GRM7: variants seen among roughly 807,000 people sequenced by gnomAD.
GRM7 encodes glutamate metabotropic receptor 7, also known as metabotropic glutamate receptor 7.
A neutral mutation model predicts 84.5 loss-of-function variants in GRM7; 35 were observed. The observed-to-expected ratio is 0.41, with a 90% confidence interval of 0.32 to 0.55. The LOEUF (loss-of-function observed/expected upper bound fraction) is 0.55, where lower values mean the gene tolerates loss of function less well. Ranked by LOEUF, GRM7 falls within the 20% of genes least tolerant of loss-of-function variation. The pLI, the probability that GRM7 is intolerant of heterozygous loss-of-function variation, is 0.19. For missense variants in GRM7, 1,003 were observed against 1,194.6 expected, an observed-to-expected ratio of 0.84 and a Z score of 2.36; for synonymous variants, 487 against 455.1, an observed-to-expected ratio of 1.07 and a Z score of -0.89.
intron 4 of GRM7, among the ~76,000 whole-genome samples, chr3:7,379,927 C>A (rs1694516978): frequency 6.6e-6 from 1 of 152,174 alleles, no homozygotes; most frequent in African/African-American, 2.4e-5. Context: ...CCTTCATCAT[C>A]ACCCTGGGTC....
intron 4 of GRM7, among the ~76,000 whole-genome samples, chr3:7,393,444 C>A (rs760287631): frequency 1.3e-5 from 2 of 152,184 alleles, no homozygotes; most frequent in Non-Finnish European, 2.9e-5. Flanking sequence ...TTCTCTCTCA[C>A]TGTTTCCCTG....
chr3:7,663,498 T>C (rs1699553260), intron 8 of GRM7, among the ~76,000 whole-genome samples: 1 of 152,196 alleles, frequency 6.6e-6, no homozygotes, highest in Admixed American at 6.5e-5. Context: ...GGAATGCCTC[T>C]GGAGGGTGCA....
intron 1 of GRM7, among the ~76,000 whole-genome samples, chr3:7,047,607 G>C (rs1403148243): frequency 6.6e-6 from 1 of 151,990 alleles, no homozygotes; most frequent in African/African-American, 2.4e-5. Flanking sequence ...ATGGATAAGT[G>C]GTCCCTATTG....
intron 1 of GRM7, among the ~76,000 whole-genome samples, chr3:7,105,121 G>T (rs1699247768): frequency 1.3e-5 from 2 of 151,680 alleles, no homozygotes; most frequent in African/African-American, 2.4e-5. Context: ...GAAATATTCA[G>T]ATTTCAAATC....
At chr3:6,924,036 C>T (rs777839015) in intron 1 of GRM7, among the ~76,000 whole-genome samples, 1 of 152,174 alleles carries the variant, frequency 6.6e-6, no homozygotes, top group African/African-American at 2.4e-5. Flanking sequence ...TTTAGATTTG[C>T]TAGCTTTATA....
chr3:7,356,502 A>G (rs1489377990), intron 4 of GRM7, among the ~76,000 whole-genome samples: 1 of 151,912 alleles, frequency 6.6e-6, no homozygotes, highest in Admixed American at 6.6e-5. Flanking sequence ...AGGTTTCACT[A>G]TGTTGCCTAG....
intron 6 of GRM7, among the ~76,000 whole-genome samples, chr3:7,460,390 A>G (rs1203576302): frequency 6.7e-6 from 1 of 149,830 alleles, no homozygotes; most frequent in Non-Finnish European, 1.5e-5. Flanking sequence ...ACTATAAACA[A>G]TTTTTTTTTT....
intron 1 of GRM7, among the ~76,000 whole-genome samples, chr3:7,136,269 A>C (rs1469315040): frequency 1.3e-5 from 2 of 151,764 alleles, no homozygotes; most frequent in Non-Finnish European, 2.9e-5. Context: ...TGTATTTGCT[A>C]TGTGGGCCTG....
chr3:7,410,652 ACCAC>A (rs1307355559), intron 4 of GRM7, among the ~76,000 whole-genome samples: 22 of 147,106 alleles, frequency 1.5e-4, no homozygotes, highest in African/African-American at 4.9e-4. Flanking sequence ...CAAAACCACC[ACCAC>A]CACACACACA....
intron 2 of GRM7, among the ~76,000 whole-genome samples, chr3:7,211,592 A>G (rs1325967365): frequency 6.7e-6 from 1 of 149,564 alleles, no homozygotes; most frequent in East Asian, 2.0e-4. Flanking sequence ...TTTTATATAA[A>G]CCTATTAAAA....
intron 6 of GRM7, among the ~76,000 whole-genome samples, chr3:7,460,868 CG>C (rs1250527116): frequency 2.0e-5 from 3 of 151,850 alleles, no homozygotes; most frequent in African/African-American, 7.3e-5. Context: ...TAGGTATATA[CG>C]CTTAATAAAT....
intron 2 of GRM7, among the ~76,000 whole-genome samples, chr3:7,216,647 A>T (rs965473423): frequency 3.9e-5 from 6 of 152,156 alleles, no homozygotes; most frequent in African/African-American, 1.2e-4. Context: ...TCTCCCTAAA[A>T]ATTCCCCAAA....
chr3:7,413,343 C>T (rs957364759), intron 4 of GRM7, among the ~76,000 whole-genome samples: 4 of 152,146 alleles, frequency 2.6e-5, no homozygotes, highest in African/African-American at 9.7e-5. Flanking sequence ...TTAAGTCTCT[C>T]GTGGACAATT....
chr3:7,084,486 A>T (rs1698377880), intron 1 of GRM7, among the ~76,000 whole-genome samples: 1 of 152,168 alleles, frequency 6.6e-6, no homozygotes, highest in Non-Finnish European at 1.5e-5. Context: ...ATTAGAGCTC[A>T]TGGGATTGAC....
chr3:6,885,548 G>A (rs1695658587), intron 1 of GRM7, among the ~76,000 whole-genome samples: 1 of 152,186 alleles, frequency 6.6e-6, no homozygotes, highest in Non-Finnish European at 1.5e-5. Flanking sequence ...ATTTGGTCAG[G>A]TATCCAAGCC....
intron 1 of GRM7, among the ~76,000 whole-genome samples, chr3:6,951,199 T>C (rs1243344030): frequency 6.6e-6 from 1 of 152,222 alleles, no homozygotes; most frequent in Admixed American, 6.5e-5. Context: ...CCAGTCTGAC[T>C]AGAAGTTTAC....
intron 1 of GRM7, among the ~76,000 whole-genome samples, chr3:7,112,385 T>G (rs914284454): frequency 3.3e-5 from 5 of 151,780 alleles, no homozygotes; most frequent in African/African-American, 1.2e-4. Context: ...CTACCATGCT[T>G]CTTTAATTTT....
At chr3:6,898,904 G>T (rs1185181192) in intron 1 of GRM7, among the ~76,000 whole-genome samples, 2 of 152,144 alleles carry the variant, frequency 1.3e-5, no homozygotes, top group Non-Finnish European at 2.9e-5. Flanking sequence ...TGCATGACTG[G>T]TGGTATTGCC....
At chr3:7,207,964 A>G (rs1014108687) in intron 2 of GRM7, among the ~76,000 whole-genome samples, 5 of 152,186 alleles carry the variant, frequency 3.3e-5, no homozygotes, top group Non-Finnish European at 7.3e-5. Context: ...GGCACAAAGG[A>G]GAAATACTAT....
Sources: gnomAD v4.1 joint callset for allele counts (sites outside exome capture counted in the v4.1 genomes callset) on GRCh38, gnomAD v4.1.1 for gene constraint, MANE v1.5 for transcripts, NCBI Gene and HGNC (gene_info 2026-07-23, HGNC 2026-07-21) for gene names.